The following SP3 variants were observed in gnomAD, a reference collection of about 807,000 sequenced individuals.
SP3 encodes the protein Sp3 transcription factor, also known as transcription factor Sp3.
A neutral mutation model predicts 70.3 loss-of-function variants in SP3; 10 were observed. The ratio of observed to expected loss-of-function variants is 0.14; its 90% CI spans 0.09 to 0.24. The LOEUF is 0.24. Ranked by LOEUF, SP3 falls within the 10% of genes least tolerant of loss-of-function variation. The pLI, the probability that SP3 is intolerant of heterozygous loss-of-function variation, is 1.00. For missense variants in SP3, 825 were observed against 914.6 expected, an observed-to-expected ratio of 0.90 and a Z score of 1.26; for synonymous variants, 402 against 333.5, an observed-to-expected ratio of 1.21 and a Z score of -2.24.
chr2:173,955,872 A>T lies in SP3; in HGVS notation c.640T>A (p.Leu214Ile), dbSNP rs764546865. Residue 214 changes from leucine to isoleucine, a missense_variant, in exon 4 of 7, where the codon TTA becomes ATA. This residue lies in a region of SP3 where 678 missense variants were observed against 651.6 expected (regional missense o/e 1.04). Coordinates refer to ENST00000310015, the MANE Select transcript of SP3 (RefSeq NM_003111.5). ...GCAGAAGGTGTTCCAGAGGCAAGTAAGGTTTGATTAGAGCCAGGAATGATC... is the reference window on the plus strand; with the variant it reads ...GCAGAAGGTGTTCCAGAGGCAAGTATGGTTTGATTAGAGCCAGGAATGATC... ...IQIIPGSNQT[L>I]LASGTPSANI... 9 of 1,614,224 alleles carry T rather than the reference A, an allele frequency of 5.6e-6. 1 individual carries two copies. In the East Asian group the frequency reaches 2.0e-4, roughly 36 times the overall value.
At chr2:173,939,718 T>C (rs1431275766) in intron 4 of SP3, among the ~76,000 whole-genome samples, 2 of 121,076 alleles carry the variant, frequency 1.7e-5, no homozygotes, top group South Asian at 2.9e-4. Context: ...TGAGCCAAGA[T>C]TGCGCCACTG....
intron 4 of SP3, among the ~76,000 whole-genome samples, chr2:173,947,383 TTGTC>T (rs1690576506): frequency 6.6e-6 from 1 of 152,134 alleles, no homozygotes; most frequent in Admixed American, 6.6e-5. Context: ...ATTCTAAAGG[TTGTC>T]TTTTTTCTCC....
intron 3 of SP3, among the ~76,000 whole-genome samples, chr2:173,960,970 T>G (rs531680778): frequency 2.0e-4 from 30 of 152,244 alleles, no homozygotes; most frequent in African/African-American, 7.0e-4. Context: ...AGTGAGACTC[T>G]GTCTCAAAAA....
Position 173,903,555 on chromosome 2 carries a change from G to A in SP3, c.*6386C>T, listed in dbSNP as rs1161161442. On this transcript the variant is annotated 3_prime_UTR_variant, in exon 7 of 7. Transcript: ENST00000310015. ...TTAACACAACTTAAGAATTTTTAAA[G>A]GATCAGGGTGTGAGGAGGACTAAGT... 6.6e-6 allele frequency among the ~76,000 whole-genome samples: 1 copy of A among 152,196 alleles called. No individual in the cohort carries two copies. Among genetic ancestry groups the A allele is most frequent in the Non-Finnish European group, 1.5e-5 (1 of 68,040 alleles).
rs1341183051 is a variant in SP3, at chr2:173,902,725, C to A, written c.*7216G>T. Among the ~76,000 whole-genome samples the A allele has an allele frequency of 1.3e-5, 2 of 152,080 alleles. No homozygotes were observed. Among genetic ancestry groups the A allele is most frequent in the African/African-American group, 2.4e-5 (1 of 41,402 alleles). On this transcript the variant is annotated 3_prime_UTR_variant, in exon 7 of 7. Coordinates refer to ENST00000310015, the MANE Select transcript of SP3 (RefSeq NM_003111.5). ...CCAGAAGGTTTTGTACAGAATGATA[C>A]CATTTATATGAAGTTTCAAAATCAG...
At chr2:173,935,139 C>A (rs986304139) in intron 4 of SP3, among the ~76,000 whole-genome samples, 1 of 152,028 alleles carries the variant, frequency 6.6e-6, no homozygotes, top group Non-Finnish European at 1.5e-5. Context: ...GAGGCCGAGG[C>A]GGGAGAACTG....
chr2:173,956,842 C>T (rs749315303), intron 3 of SP3, among the ~76,000 whole-genome samples: 1 of 152,116 alleles, frequency 6.6e-6, no homozygotes, highest in South Asian at 2.1e-4. Flanking sequence ...AACGTAGCCC[C>T]ATTTGAAAGG....
chr2:173,956,718 T>C (rs144720183), intron 3 of SP3, among the ~76,000 whole-genome samples: 1 of 152,296 alleles, frequency 6.6e-6, no homozygotes, highest in African/African-American at 2.4e-5. Flanking sequence ...AGTAAACTCA[T>C]GGCTAGGGCT....
intron 4 of SP3, among the ~76,000 whole-genome samples, chr2:173,938,018 G>A (rs574860953): frequency 7.2e-5 from 11 of 152,114 alleles, no homozygotes; most frequent in Non-Finnish European, 1.3e-4. Flanking sequence ...TCATATGCAC[G>A]TAAGACTAAA....
intron 4 of SP3, among the ~76,000 whole-genome samples, chr2:173,941,711 T>C (rs1019499594): frequency 5.3e-5 from 8 of 152,242 alleles, no homozygotes; most frequent in African/African-American, 1.9e-4. Flanking sequence ...TTTCCTTTGC[T>C]AGCTCTTCCT....
intron 3 of SP3, among the ~76,000 whole-genome samples, chr2:173,960,227 A>G (rs1319325619): frequency 6.6e-6 from 1 of 152,246 alleles, no homozygotes; most frequent in Non-Finnish European, 1.5e-5. Flanking sequence ...AAAAAGTTGT[A>G]ACTAAGGCAC....
At position 173,949,901 on chromosome 2, in the gene SP3, A is replaced by G. The variant is rs146527659; in HGVS notation, c.1639+4972T>C. The stretch of plus-strand genomic sequence containing the variant: ...TATTTTAGATAAAACAAAATCTGAC[A>G]GAGGACTAAAATTTGAGAGACTGAA... On this transcript the variant is annotated intron_variant, in intron 4 of 6. Transcript: ENST00000310015. 1.0e-3 allele frequency among the ~76,000 whole-genome samples: 157 copies of G among 152,354 alleles called. 3 individuals are homozygous for G. In the East Asian group the frequency reaches 0.027, roughly 26 times the overall value.
At chr2:173,937,030 C>T (rs539269833) in intron 4 of SP3, among the ~76,000 whole-genome samples, 52 of 152,262 alleles carry the variant, frequency 3.4e-4, no homozygotes, top group Non-Finnish European at 6.6e-4. Flanking sequence ...GATTACTACT[C>T]CATGTATCTA....
intron 4 of SP3, among the ~76,000 whole-genome samples, chr2:173,951,350 A>G (rs189719933): frequency 4.6e-4 from 70 of 152,372 alleles, no homozygotes; most frequent in African/African-American, 1.6e-3. Context: ...TTCATGTAGT[A>G]TATGTGTATA....
At position 173,903,332 on chromosome 2, in the gene SP3, A is replaced by T. The variant is rs558756816; in HGVS notation, c.*6609T>A. On this transcript the variant is annotated 3_prime_UTR_variant, in exon 7 of 7. Transcript: ENST00000310015. The stretch of plus-strand genomic sequence containing the variant: ...TTTTATAGTTAGAGAACAGGCTAAG[A>T]GTGGAAAGGTAAAGAGTGAAAGGTC... Among the ~76,000 whole-genome samples the T allele has an allele frequency of 4.4e-4, 67 of 152,358 alleles. No individual in the cohort carries two copies. The highest frequency in any genetic ancestry group is 1.3e-3 in the African/African-American group (54 of 41,592).
At chr2:173,952,871 T>C (rs1247397085) in intron 4 of SP3, among the ~76,000 whole-genome samples, 7 of 152,116 alleles carry the variant, frequency 4.6e-5, no homozygotes, top group South Asian at 4.1e-4. Context: ...GAAAGTAGCA[T>C]AGTGGTTGTC....
Position 173,903,279 on chromosome 2 carries a change from T to C in SP3, c.*6662A>G, listed in dbSNP as rs1338047174. Among the ~76,000 whole-genome samples, 1 of 152,226 alleles carries C rather than the reference T, an allele frequency of 6.6e-6. No individual in the cohort carries two copies. The highest frequency in any genetic ancestry group is 2.4e-5 in the African/African-American group (1 of 41,444). On this transcript the variant is annotated 3_prime_UTR_variant, in exon 7 of 7. Coordinates refer to ENST00000310015, the MANE Select transcript of SP3 (RefSeq NM_003111.5). Reference sequence around the variant, plus strand: ...AACTTATTTATCTCCATAATCACTCTATGAAGATGACGCTAGCATCATTCT... The same window carrying C: ...AACTTATTTATCTCCATAATCACTCCATGAAGATGACGCTAGCATCATTCT...
chr2:173,922,372 T>C (rs1043887143), intron 4 of SP3, among the ~76,000 whole-genome samples: 6 of 151,540 alleles, frequency 4.0e-5, no homozygotes, highest in African/African-American at 7.3e-5. Context: ...GTAGAAAAGA[T>C]TGCAGGGGAG....
rs1689368448 is a variant in SP3 at position 173,907,621 on chromosome 2, T to C, written c.*2320A>G. On this transcript the variant is annotated 3_prime_UTR_variant, in exon 7 of 7. Transcript: ENST00000310015. ...TTCAAAGTACACCATAAACTTACTG[T>C]AAAAATCCAGTATTACTTAAAACAT... is the stretch of plus-strand genomic sequence containing the variant. 1 of 152,136 alleles carries C rather than the reference T, an allele frequency of 6.6e-6. No individual in the cohort carries two copies. Among genetic ancestry groups the C allele is most frequent in the African/African-American group, 2.4e-5 (1 of 41,448 alleles). The allele number at this position is 152,136 out of a possible 1,614,324, so 9.4% of individuals were successfully genotyped here.
Sources: gnomAD v4.1 joint callset for allele counts (sites outside exome capture counted in the v4.1 genomes callset) on GRCh38, gnomAD v4.1.1 for gene constraint, gnomAD v4.1.1 regional missense constraint, MANE v1.5 for transcripts, NCBI Gene and HGNC (gene_info 2026-07-23, HGNC 2026-07-21) for gene names.